Variants in IQSEC1 observed in about 807,000 individuals in gnomAD.
IQSEC1 encodes IQ motif and Sec7 domain ArfGEF 1, also known as IQ motif and SEC7 domain-containing protein 1.
A neutral mutation model predicts 91.0 loss-of-function variants in IQSEC1; 31 were observed. That is an observed-to-expected ratio of 0.34 (90% confidence interval 0.26 to 0.46). IQSEC1 has a LOEUF of 0.46. IQSEC1 is among the 20% of genes least tolerant of loss of function. The pLI is 1.00. For missense variants in IQSEC1, 1,388 were observed against 1,575.6 expected, an observed-to-expected ratio of 0.88 and a Z score of 2.02; for synonymous variants, 699 against 662.6, an observed-to-expected ratio of 1.05 and a Z score of -0.84.
chr3:13,170,734 G>A (rs1422258366), intron 1 of IQSEC1, among the ~76,000 whole-genome samples: 1 of 152,206 alleles, frequency 6.6e-6, no homozygotes, highest in Non-Finnish European at 1.5e-5. Flanking sequence ...ACGGCAGCCA[G>A]CTATTAGGCA....
chr3:12,971,484 C>G (rs1435123409), intron 1 of IQSEC1, among the ~76,000 whole-genome samples: 1 of 152,178 alleles, frequency 6.6e-6, no homozygotes, highest in Non-Finnish European at 1.5e-5. Context: ...TGTATTACAC[C>G]CATCAATGGA....
At chr3:13,028,177 G>A (rs1361498315) in intron 1 of IQSEC1, among the ~76,000 whole-genome samples, 1 of 152,220 alleles carries the variant, frequency 6.6e-6, no homozygotes, top group Admixed American at 6.5e-5. Flanking sequence ...CTCAAGCATA[G>A]GGTTTGGCCC....
chr3:13,257,685 C>T (rs1482217511), intron 1 of IQSEC1, among the ~76,000 whole-genome samples: 4 of 152,210 alleles, frequency 2.6e-5, no homozygotes, highest in South Asian at 2.1e-4. Flanking sequence ...CCTCTGAACC[C>T]GGAGCCCCTT....
intron 1 of IQSEC1, among the ~76,000 whole-genome samples, chr3:13,236,149 G>A (rs1433594477): frequency 6.6e-6 from 1 of 152,090 alleles, no homozygotes; most frequent in Admixed American, 6.6e-5. Flanking sequence ...AGAAGTTCAA[G>A]GGCAAGAGAC....
At position 12,900,673 on chromosome 3, in the gene IQSEC1, C is replaced by A. The variant is rs1045644167; in HGVS notation, c.*310G>T. On this transcript the variant is annotated 3_prime_UTR_variant, in exon 14 of 14. Transcript: ENST00000613206. The stretch of plus-strand genomic sequence containing the variant: ...ACATTAGGGCACAGGGAGCTGAGAG[C>A]TGGAGTGGGGGAGGCAGTTCAACAC... The A allele has an allele frequency of 1.2e-5, 15 of 1,298,178 alleles. No homozygotes were observed. In the African/African-American group the frequency reaches 1.9e-4, roughly 17 times the overall value. 80.4% of individuals were successfully genotyped at this position (1,298,178 alleles called of 1,614,324 possible).
At position 13,110,418 on chromosome 3, in the gene IQSEC1, G is replaced by A. The variant is rs557752496; in HGVS notation, c.302+53686C>T. Among the ~76,000 whole-genome samples, 9 of 151,982 alleles carry A rather than the reference G, an allele frequency of 5.9e-5. No individual in the cohort carries two copies. In the South Asian group the frequency reaches 1.0e-3, roughly 18 times the overall value. On this transcript the variant is annotated intron_variant, in intron 2 of 15. Transcript: ENST00000648114. Reference sequence around the variant, plus strand: ...ACCTTAGCCAACATGGTGAAATCCCGTCTCTACTAAAAATACAAAGATTAG... The same window carrying A: ...ACCTTAGCCAACATGGTGAAATCCCATCTCTACTAAAAATACAAAGATTAG...
At position 13,214,997 on chromosome 3, in the gene IQSEC1, G is replaced by A. The variant is rs1694516959; in HGVS notation, c.273-50864C>T. Among the ~76,000 whole-genome samples the A allele has an allele frequency of 6.6e-6, 1 of 152,196 alleles. No homozygotes were observed. Among genetic ancestry groups the A allele is most frequent in the Admixed American group, 6.5e-5 (1 of 15,284 alleles). ...TGACCTAGACTAGGCCCTCAGACAT[G>A]GTTCAGGGCTGGCAGGATGAGTAAG... On this transcript the variant is annotated intron_variant, in intron 1 of 15. Transcript: ENST00000648114. The surrounding 1 kb of genome is among the most constrained non-coding windows in gnomAD (Gnocchi z 4.5).
chr3:12,983,520 C>T lies in IQSEC1; in HGVS notation c.24-41655G>A, dbSNP rs760383292. ...GCTGGAGAACTGCAGCCTGGCCTTC[C>T]TAGCCCCGAGACAGAGCGGCCAGGA... On this transcript the variant is annotated intron_variant, in intron 1 of 13. Transcript: ENST00000613206. The surrounding 1 kb of genome is among the most constrained non-coding windows in gnomAD (Gnocchi z 4.3). Among the ~76,000 whole-genome samples the T allele has an allele frequency of 4.6e-5, 7 of 152,154 alleles. No homozygotes were observed. The highest frequency in any genetic ancestry group is 6.5e-5 in the Admixed American group (1 of 15,288).
chr3:13,049,983 C>A (rs1485934622), intron 1 of IQSEC1, among the ~76,000 whole-genome samples: 1 of 152,140 alleles, frequency 6.6e-6, no homozygotes, highest in East Asian at 1.9e-4. Flanking sequence ...CTGCTGTGGC[C>A]CAGTGCTGAA....
chr3:13,030,947 C>T (rs1229687444), intron 1 of IQSEC1, among the ~76,000 whole-genome samples: 1 of 152,184 alleles, frequency 6.6e-6, no homozygotes, highest in Non-Finnish European at 1.5e-5. Flanking sequence ...AAGCTAAAAG[C>T]AATGCACAAA....
chr3:12,915,069 G>A, intron 8 of IQSEC1, 35 bp downstream of exon 8: 1 of 1,586,188 alleles, frequency 6.3e-7, no homozygotes, highest in East Asian at 2.3e-5. Context: ...AGGGCGGCGG[G>A]CTACCCACAA....
chr3:12,898,995 G>A lies in IQSEC1; in HGVS notation c.*1988C>T. 1.3e-5 allele frequency: 3 copies of A among 225,942 alleles called. No homozygotes were observed. The highest frequency in any genetic ancestry group is 2.7e-5 in the Non-Finnish European group (3 of 111,162). 14.0% of individuals were successfully genotyped at this position (225,942 alleles called of 1,614,324 possible). On this transcript the variant is annotated 3_prime_UTR_variant, in exon 14 of 14. Coordinates refer to ENST00000613206, the MANE Select transcript of IQSEC1 (RefSeq NM_001134382.3). ...GTCCCATGCTGTTTCTTTCTGAGCA[G>A]ACACCAAAGAAATGCCACGCCAATG...
intron 1 of IQSEC1, among the ~76,000 whole-genome samples, chr3:13,021,053 C>T (rs1703373120): frequency 6.6e-6 from 1 of 152,150 alleles, no homozygotes; most frequent in African/African-American, 2.4e-5. Flanking sequence ...GTTGCAAATC[C>T]ACCCCTTTAA....
chr3:12,991,317 C>T (rs147461326), intron 1 of IQSEC1, among the ~76,000 whole-genome samples: 1,795 of 152,226 alleles, frequency 0.012, 25 homozygotes, highest in Middle Eastern at 0.078. Context: ...CAAAGCAGGG[C>T]GAGGCGGGGG....
chr3:13,055,360 G>A (rs1283395359), intron 1 of IQSEC1, among the ~76,000 whole-genome samples: 2 of 152,214 alleles, frequency 1.3e-5, no homozygotes, highest in African/African-American at 4.8e-5. Context: ...TAGAGAAGTG[G>A]TTATTAACTC....
chr3:13,204,737 C>T (rs981815331), intron 1 of IQSEC1, among the ~76,000 whole-genome samples: 13 of 151,050 alleles, frequency 8.6e-5, no homozygotes, highest in Non-Finnish European at 1.6e-4. Flanking sequence ...TTCTTTCTAT[C>T]TTACTTTCTT....
chr3:13,271,690 T>A (rs1312255748), intron 1 of IQSEC1, among the ~76,000 whole-genome samples: 1 of 152,068 alleles, frequency 6.6e-6, no homozygotes, highest in African/African-American at 2.4e-5. Context: ...CAGCTACTCA[T>A]GAGGCTGATA....
chr3:12,940,894 G>T lies in IQSEC1; in HGVS notation c.318+677C>A, dbSNP rs1698687244. On this transcript the variant is annotated intron_variant, in intron 2 of 13. Transcript: ENST00000613206. The surrounding 1 kb of genome is among the most constrained non-coding windows in gnomAD (Gnocchi z 4.4). ...CCTCGCTCTTTCCTCTGCACCCCAGGATTCTCCTCTCCTGGCTCAACCCTG... is the reference window on the plus strand; with the variant it reads ...CCTCGCTCTTTCCTCTGCACCCCAGTATTCTCCTCTCCTGGCTCAACCCTG... Among the ~76,000 whole-genome samples, 2 of 152,190 alleles carry T rather than the reference G, an allele frequency of 1.3e-5. No homozygotes were observed. The highest frequency in any genetic ancestry group is 4.8e-5 in the African/African-American group (2 of 41,460).
intron 1 of IQSEC1, 122 bp downstream of exon 1, chr3:13,072,870 C>T (rs1705482324): frequency 1.2e-5 from 10 of 869,568 alleles, no homozygotes; most frequent in Non-Finnish European, 1.9e-5. Flanking sequence ...GGCCAGCTCC[C>T]TCTGCAAGTC....
Sources: allele counts gnomAD v4.1 joint callset (sites outside exome capture counted in the v4.1 genomes callset), GRCh38; gene constraint gnomAD v4.1.1; non-coding constraint Gnocchi (gnomAD v3.1); transcripts MANE v1.5; gene names NCBI Gene and HGNC (gene_info 2026-07-23, HGNC 2026-07-21).